Variants in CNN3 observed in about 807,000 individuals in gnomAD.
The protein encoded by CNN3 is calponin-3.
In CNN3, 11 loss-of-function variants were observed where a neutral mutation model predicts 39.0. The ratio of observed to expected loss-of-function variants is 0.28; its 90% CI spans 0.18 to 0.47. The LOEUF (loss-of-function observed/expected upper bound fraction) is 0.47, where lower values mean the gene tolerates loss of function less well. Ranked by LOEUF, CNN3 falls within the 20% of genes least tolerant of loss-of-function variation. The pLI is 0.99. For synonymous variants in CNN3, 101 were observed against 138.3 expected (o/e 0.73, Z 1.89); for missense variants, 266 against 403.4 (o/e 0.66, Z 2.92).
intron 4 of CNN3, 32 bp from the exon 5 acceptor site, chr1:94,901,817 G>A (rs377584843): frequency 6.1e-6 from 9 of 1,464,522 alleles, no homozygotes; most frequent in Non-Finnish European, 8.6e-6. Context: ...AACTGAAAAG[G>A]CCAACAGAGT....
intron 3 of CNN3, among the ~76,000 whole-genome samples, chr1:94,902,753 T>A (rs1670900642): frequency 1.3e-5 from 2 of 152,198 alleles, no homozygotes; most frequent in South Asian, 4.1e-4. Context: ...TTATGTCTGA[T>A]ACAGTGCTCT....
chr1:94,903,670 T>A, intron 1 of CNN3, 146 bp from the exon 2 acceptor site: 1 of 1,074,558 alleles, frequency 9.3e-7, no homozygotes, highest in Non-Finnish European at 1.3e-6. Flanking sequence ...ATGGCAAACT[T>A]AACCGTTACA....
chr1:94,902,340 A>G, intron 3 of CNN3, 82 bp from the exon 4 acceptor site: 2 of 1,213,576 alleles, frequency 1.6e-6, no homozygotes, highest in Non-Finnish European at 2.3e-6. Context: ...CTTCATAAAC[A>G]GTTATAAGAC....
At chr1:94,922,330 C>T (rs1444321430) in intron 1 of CNN3, among the ~76,000 whole-genome samples, 1 of 152,150 alleles carries the variant, frequency 6.6e-6, no homozygotes, top group African/African-American at 2.4e-5. Context: ...CTTATTTAGA[C>T]TACAGAGTTA....
intron 5 of CNN3, 150 bp downstream of exon 5, chr1:94,901,519 G>T: frequency 1.9e-6 from 1 of 515,068 alleles, no homozygotes. Context: ...TGTCTTATGG[G>T]CTTTATAAAT....
Position 94,897,811 on chromosome 1 carries a change from C to CTCA in CNN3, c.918_920dup (p.Asp306dup), listed in dbSNP as rs769146696. 3 of 1,614,158 alleles carry CTCA rather than the reference C, an allele frequency of 1.9e-6. No individual in the cohort carries two copies. The highest frequency in any genetic ancestry group is 2.5e-6 in the Non-Finnish European group (3 of 1,180,010). ...AGTCATCCTGGTACTCGCCATGATA[C>CTCA]TCATCAGGGTATTCTGCCTGATAAT... On this transcript the variant is annotated inframe_insertion, in exon 7 of 7. Transcript: ENST00000370206.
At chr1:94,914,733 C>T (rs1671241031) in intron 1 of CNN3, among the ~76,000 whole-genome samples, 1 of 152,144 alleles carries the variant, frequency 6.6e-6, no homozygotes, top group Non-Finnish European at 1.5e-5. Flanking sequence ...ACACAACCAG[C>T]TATGAACAGA....
Position 94,897,525 on chromosome 1 carries a change from T to C in CNN3, c.*217A>G. On this transcript the variant is annotated 3_prime_UTR_variant, in exon 7 of 7. Coordinates refer to ENST00000370206, the MANE Select transcript of CNN3 (RefSeq NM_001839.5). Reference sequence around the variant, plus strand: ...CCTTTTTACTTCATATGCGAGTTATTGATTATGCTGTAGGATTTAACTATT... The same window carrying C: ...CCTTTTTACTTCATATGCGAGTTATCGATTATGCTGTAGGATTTAACTATT... 1 of 505,018 alleles carries C rather than the reference T, an allele frequency of 2.0e-6. No individual in the cohort carries two copies. Among genetic ancestry groups the C allele is most frequent in the Non-Finnish European group, 3.5e-6 (1 of 284,918 alleles). The allele number at this position is 505,018 out of a possible 1,614,324, so 31.3% of individuals were successfully genotyped here. A position where few individuals can be genotyped will look rare whatever the true frequency, so the allele number is the denominator to read the frequency against.
chr1:94,898,180 T>C, intron 6 of CNN3, 97 bp from the exon 7 acceptor site: 3 of 1,220,406 alleles, frequency 2.5e-6, no homozygotes, highest in Non-Finnish European at 3.4e-6. Context: ...ATATGAACAG[T>C]AATACATGAA....
intron 1 of CNN3, among the ~76,000 whole-genome samples, chr1:94,920,171 C>T (rs921130147): frequency 6.6e-6 from 1 of 152,242 alleles, no homozygotes; most frequent in African/African-American, 2.4e-5. Flanking sequence ...GAGAAGTCCT[C>T]AGCCCTAAGG....
intron 1 of CNN3, among the ~76,000 whole-genome samples, chr1:94,917,001 C>A (rs962668305): frequency 2.6e-5 from 4 of 152,140 alleles, no homozygotes; most frequent in Non-Finnish European, 4.4e-5. Flanking sequence ...GATAAGATAT[C>A]ATTTTAAAGC....
intron 1 of CNN3, among the ~76,000 whole-genome samples, chr1:94,906,805 T>G (rs1359575730): frequency 1.3e-5 from 2 of 152,236 alleles, no homozygotes; most frequent in African/African-American, 4.8e-5. Flanking sequence ...TGATGGTAAT[T>G]CTCATACCAA....
intron 1 of CNN3, chr1:94,924,286 T>C (rs1013079441): frequency 2.0e-5 from 3 of 152,086 alleles, no homozygotes; most frequent in African/African-American, 7.3e-5. Flanking sequence ...CAGTATGACA[T>C]AAATAATCAC....
At chr1:94,915,202 T>C (rs2101733922) in intron 1 of CNN3, among the ~76,000 whole-genome samples, 2 of 152,298 alleles carry the variant, frequency 1.3e-5, no homozygotes, top group Middle Eastern at 3.4e-3. Context: ...ATTAGGTTCA[T>C]TTTGCTTTTA....
chr1:94,922,632 C>T (rs1342511628), intron 1 of CNN3, among the ~76,000 whole-genome samples: 1 of 152,190 alleles, frequency 6.6e-6, no homozygotes, highest in Non-Finnish European at 1.5e-5. Context: ...TGGTGCTCTA[C>T]CAGCAAGACA....
intron 5 of CNN3, 144 bp from the exon 6 acceptor site, chr1:94,899,661 T>TATGA: frequency 1.3e-6 from 1 of 776,544 alleles, no homozygotes; most frequent in Non-Finnish European, 2.0e-6. Flanking sequence ...CTCTTCTATG[T>TATGA]GTCTACAAAC....
intron 1 of CNN3, among the ~76,000 whole-genome samples, chr1:94,921,719 A>T (rs189694526): frequency 3.9e-5 from 6 of 152,356 alleles, no homozygotes; most frequent in Non-Finnish European, 8.8e-5. Flanking sequence ...AATTTCCACA[A>T]ATGTTAGACT....
At chr1:94,907,074 T>C (rs1274398188) in intron 1 of CNN3, among the ~76,000 whole-genome samples, 1 of 151,946 alleles carries the variant, frequency 6.6e-6, no homozygotes, top group East Asian at 1.9e-4. Context: ...TACCAATGAG[T>C]GGTTGTGGGG....
rs1670882644 is a variant in CNN3 at position 94,902,061 on chromosome 1, T to C, written c.384+60A>G. The C allele has an allele frequency of 9.8e-6, 14 of 1,424,722 alleles. No homozygotes were observed. The South Asian group carries it at 1.5e-4, about 15-fold the overall frequency. The allele number at this position is 1,424,722 out of a possible 1,614,324, so 88.3% of individuals were successfully genotyped here. A position where few individuals can be genotyped will look rare whatever the true frequency, so the allele number is the denominator to read the frequency against. On this transcript the variant is annotated intron_variant, in intron 4 of 6. Transcript: ENST00000370206. ...CTGAACCCCCATGAAAAAGCAATGA[T>C]GCAATTCATCACCAATGTGGTGGGA... is the stretch of plus-strand genomic sequence containing the variant.
Sources: allele counts gnomAD v4.1 joint callset (sites outside exome capture counted in the v4.1 genomes callset), GRCh38; gene constraint gnomAD v4.1.1; transcripts MANE v1.5; gene names NCBI Gene and HGNC (gene_info 2026-07-23, HGNC 2026-07-21).